PRMT9: variants seen among roughly 807,000 people sequenced by gnomAD.
PRMT9 encodes protein arginine N-methyltransferase 9.
A neutral mutation model predicts 83.2 loss-of-function variants in PRMT9; 59 were observed. The ratio of observed to expected loss-of-function variants is 0.71; its 90% CI spans 0.57 to 0.88. The LOEUF (loss-of-function observed/expected upper bound fraction) is 0.88. PRMT9 is among the 40% of genes least tolerant of loss of function. The pLI, the probability that PRMT9 is intolerant of heterozygous loss-of-function variation, is 0.00. For missense variants in PRMT9, 947 were observed against 1,021.9 expected, an observed-to-expected ratio of 0.93 and a Z score of 1.00; for synonymous variants, 333 against 353.2, an observed-to-expected ratio of 0.94 and a Z score of 0.64.
At chr4:147,660,442 C>T (rs139613674) in intron 7 of PRMT9, among the ~76,000 whole-genome samples, 1 of 152,226 alleles carries the variant, frequency 6.6e-6, no homozygotes, top group Non-Finnish European at 1.5e-5. Flanking sequence ...CCAGCGTGGG[C>T]AACATGGCAA....
In PRMT9 at chr4:147,638,270, C is replaced by T; in HGVS notation, c.*262G>A. Reference sequence around the variant, plus strand: ...CAATAACGATAAGACTTTTAAAATCCCTATTCTGTAAAATCGAGCAAAAGA... The same window carrying T: ...CAATAACGATAAGACTTTTAAAATCTCTATTCTGTAAAATCGAGCAAAAGA... On this transcript the variant is annotated 3_prime_UTR_variant, in exon 12 of 12. Transcript: ENST00000322396. 1 of 459,680 alleles carries T rather than the reference C, an allele frequency of 2.2e-6. No individual in the cohort carries two copies. The highest frequency in any genetic ancestry group is 3.9e-6 in the Non-Finnish European group (1 of 254,108). The allele number at this position is 459,680 out of a possible 1,614,324, so 28.5% of individuals were successfully genotyped here. A position where few individuals can be genotyped will look rare whatever the true frequency, so the allele number is the denominator to read the frequency against.
Position 147,638,545 on chromosome 4 carries a change from G to GTGC in PRMT9, c.2524_2525insGCA (p.Ile841_Thr842insSer). ...GAAAACTGCTCTTCATTGCTTTACT[G>GTGC]TGATGCTGACATTGCTTTTGTGATG... On this transcript the variant is annotated inframe_insertion, in exon 12 of 12. Coordinates refer to ENST00000322396, the MANE Select transcript of PRMT9 (RefSeq NM_138364.4). 6.2e-7 allele frequency: 1 copy of GTGC among 1,613,258 alleles called. No individual in the cohort carries two copies. The highest frequency in any genetic ancestry group is 1.3e-5 in the African/African-American group (1 of 74,982).
At chr4:147,666,026 T>G (rs1735309755) in intron 6 of PRMT9, among the ~76,000 whole-genome samples, 1 of 152,138 alleles carries the variant, frequency 6.6e-6, no homozygotes, top group Admixed American at 6.5e-5. Context: ...AAAGGCCAAA[T>G]CAAGCTACTA....
At position 147,660,858 on chromosome 4, in the gene PRMT9, G is replaced by A; in HGVS notation, c.1134C>T (p.Phe378=). Residue 378 remains phenylalanine, a synonymous_variant, in exon 7 of 12, where the codon TTC becomes TTT. Transcript: ENST00000322396. ...TECFEIMTVD[F]NNLQELKSLA... ...GAATTTTTTTCACCTGAAGGTTGTTGAAATCTACTGTCATAATTTCAAAGC... is the reference window on the plus strand; with the variant it reads ...GAATTTTTTTCACCTGAAGGTTGTTAAAATCTACTGTCATAATTTCAAAGC... The A allele has an allele frequency of 6.2e-7, 1 of 1,612,074 alleles. No individual in the cohort carries two copies.
At chr4:147,659,792 G>A (rs527299200) in intron 7 of PRMT9, among the ~76,000 whole-genome samples, 1 of 152,096 alleles carries the variant, frequency 6.6e-6, no homozygotes, top group East Asian at 1.9e-4. Flanking sequence ...TGTTGGCTAG[G>A]CTGGTCCTGA....
chr4:147,658,106 A>G, intron 7 of PRMT9, 131 bp from the exon 8 acceptor site: 2 of 657,452 alleles, frequency 3.0e-6, no homozygotes, highest in Non-Finnish European at 5.4e-6. Context: ...ATCTTGGCAC[A>G]CCTATAACCA....
At chr4:147,673,973 C>A (rs1289842193) in intron 2 of PRMT9, 99 bp from the exon 3 acceptor site, 1 of 958,146 alleles carries the variant, frequency 1.0e-6, no homozygotes, top group South Asian at 1.3e-5. Flanking sequence ...GAATTCCATG[C>A]CAGCACCCCA....
At position 147,684,158 on chromosome 4, in the gene PRMT9, C is replaced by G; in HGVS notation, c.-171G>C. On this transcript the variant is annotated 5_prime_UTR_variant, in exon 1 of 12. Coordinates refer to ENST00000322396, the MANE Select transcript of PRMT9 (RefSeq NM_138364.4). ...CCCAGCCCAGGCGGAAGCTCCGCCC[C>G]GTCCTGGCCCCGCGGGCGGCGCAGA... is the stretch of plus-strand genomic sequence containing the variant. 1 of 773,414 alleles carries G rather than the reference C, an allele frequency of 1.3e-6. No individual in the cohort carries two copies. The highest frequency in any genetic ancestry group is 2.1e-6 in the Non-Finnish European group (1 of 471,308). 47.9% of individuals were successfully genotyped at this position (773,414 alleles called of 1,614,324 possible). A position where few individuals can be genotyped will look rare whatever the true frequency, so the allele number is the denominator to read the frequency against.
At chr4:147,650,821 A>G (rs1734042903) in intron 9 of PRMT9, among the ~76,000 whole-genome samples, 1 of 152,084 alleles carries the variant, frequency 6.6e-6, no homozygotes, top group African/African-American at 2.4e-5. Flanking sequence ...CAAGAGCCCA[A>G]GGCGGGCACG....
intron 8 of PRMT9, among the ~76,000 whole-genome samples, chr4:147,657,248 G>A (rs1392957046): frequency 2.6e-5 from 4 of 152,112 alleles, no homozygotes; most frequent in Admixed American, 6.5e-5. Flanking sequence ...AAAATCGGCC[G>A]GGCGCAGTGG....
intron 6 of PRMT9, among the ~76,000 whole-genome samples, chr4:147,663,808 T>G (rs901671389): frequency 6.6e-6 from 1 of 152,224 alleles, no homozygotes; most frequent in African/African-American, 2.4e-5. Flanking sequence ...CTTCCATACC[T>G]TTTTTTAATA....
chr4:147,655,341 T>A (rs1050396132), intron 8 of PRMT9, among the ~76,000 whole-genome samples: 1 of 151,670 alleles, frequency 6.6e-6, no homozygotes, highest in East Asian at 1.9e-4. Context: ...TTTTTTTTTT[T>A]AAATAGAGAT....
At position 147,684,132 on chromosome 4, in the gene PRMT9, C is replaced by T; in HGVS notation, c.-145G>A. On this transcript the variant is annotated 5_prime_UTR_variant, in exon 1 of 12. Coordinates refer to ENST00000322396, the MANE Select transcript of PRMT9 (RefSeq NM_138364.4). The stretch of plus-strand genomic sequence containing the variant: ...CCTCCGCCGCGGGTGAACTCGCCAA[C>T]CCCAGCCCAGGCGGAAGCTCCGCCC... 2 of 960,154 alleles carry T rather than the reference C, an allele frequency of 2.1e-6. No individual in the cohort carries two copies. The highest frequency in any genetic ancestry group is 3.2e-6 in the Non-Finnish European group (2 of 630,766). 59.5% of individuals were successfully genotyped at this position (960,154 alleles called of 1,614,324 possible). A position where few individuals can be genotyped will look rare whatever the true frequency, so the allele number is the denominator to read the frequency against.
At chr4:147,663,883 T>C (rs1021935164) in intron 6 of PRMT9, among the ~76,000 whole-genome samples, 2 of 152,226 alleles carry the variant, frequency 1.3e-5, no homozygotes, top group African/African-American at 2.4e-5. Context: ...GTAGGTTATA[T>C]TCATCATGCC....
rs566936613 is a variant in PRMT9, at chr4:147,680,211, CCTT to C, written c.338+109_338+111del. On this transcript the variant is annotated intron_variant, in intron 2 of 11. Transcript: ENST00000322396. ...TATATCTGCTATTCTTTTCAATTCT[CCTT>C]AATAATTCTCCATATTAAACTTTCC... 114 of 992,490 alleles carry C rather than the reference CCTT, an allele frequency of 1.1e-4. No individual in the cohort carries two copies. In the African/African-American group the frequency reaches 1.2e-3, roughly 10 times the overall value. The allele number at this position is 992,490 out of a possible 1,614,324, so 61.5% of individuals were successfully genotyped here. A position where few individuals can be genotyped will look rare whatever the true frequency, so the allele number is the denominator to read the frequency against.
rs149228759 is a variant in PRMT9, at chr4:147,667,922, A to C, written c.953+617T>G. 1.4e-3 allele frequency among the ~76,000 whole-genome samples: 211 copies of C among 152,154 alleles called. 1 individual carries two copies. Among genetic ancestry groups the C allele is most frequent in the African/African-American group, 4.6e-3 (191 of 41,532 alleles). The stretch of plus-strand genomic sequence containing the variant: ...ATGAATATATCACAACTAGAGTCCT[A>C]AGTTGTATCAAAATTAATTTTCCAT... On this transcript the variant is annotated intron_variant, in intron 6 of 11. Transcript: ENST00000322396.
chr4:147,661,261 T>TA (rs35220006), intron 6 of PRMT9: 2,267 of 288,542 alleles, frequency 7.9e-3, no homozygotes, highest in African/African-American at 0.018. Flanking sequence ...GTCTGCTCAC[T>TA]AAAAAAAAAA....
chr4:147,681,704 T>C (rs1736480477), intron 1 of PRMT9, among the ~76,000 whole-genome samples: 2 of 151,848 alleles, frequency 1.3e-5, no homozygotes, highest in Admixed American at 1.3e-4. Flanking sequence ...GGAGAATTGC[T>C]TGAACCCAGG....
At chr4:147,674,529 C>G (rs1735942786) in intron 2 of PRMT9, among the ~76,000 whole-genome samples, 1 of 152,088 alleles carries the variant, frequency 6.6e-6, no homozygotes, top group Non-Finnish European at 1.5e-5. Flanking sequence ...CCCTCTAGAA[C>G]AGTGCTTCTC....
Sources: allele counts gnomAD v4.1 joint callset (sites outside exome capture counted in the v4.1 genomes callset), GRCh38; gene constraint gnomAD v4.1.1; transcripts MANE v1.5; gene names NCBI Gene and HGNC (gene_info 2026-07-23, HGNC 2026-07-21).